The following BTBD16 variants were observed in gnomAD, a reference collection of about 807,000 sequenced individuals.
BTBD16 encodes the protein BTB/POZ domain-containing protein 16.
In BTBD16, 66 loss-of-function variants were observed where a neutral mutation model predicts 67.4. That is an observed-to-expected ratio of 0.98 (90% CI 0.80 to 1.20). BTBD16 has a LOEUF of 1.20. BTBD16 is among the 50% of genes most tolerant of loss of function. BTBD16 has a pLI of 0.00. For synonymous variants in BTBD16, 242 were observed against 236.4 expected (o/e 1.02, Z -0.22); for missense variants, 634 against 616.0 (o/e 1.03, Z -0.31).
intron 3 of BTBD16, among the ~76,000 whole-genome samples, chr10:122,277,965 A>G (rs1250938469): frequency 3.3e-5 from 5 of 152,224 alleles, no homozygotes; most frequent in Non-Finnish European, 5.9e-5. Flanking sequence ...CAGCCAAATC[A>G]AAGTGAGCAT....
intron 10 of BTBD16, among the ~76,000 whole-genome samples, chr10:122,308,664 G>A (rs2096407932): frequency 6.6e-6 from 1 of 152,030 alleles, no homozygotes; most frequent in Admixed American, 6.5e-5. Flanking sequence ...GGTCAGACTG[G>A]GAGAAAAGAT....
intron 3 of BTBD16, 64 bp from the exon 4 acceptor site, chr10:122,283,787 T>C (rs562269944): frequency 6.6e-6 from 8 of 1,216,466 alleles, no homozygotes; most frequent in African/African-American, 3.0e-5. Context: ...GAATAATGCA[T>C]GTTGTAGTTG....
intron 6 of BTBD16, 157 bp from the exon 7 acceptor site, chr10:122,290,923 C>T (rs976493815): frequency 2.9e-5 from 20 of 698,708 alleles, no homozygotes; most frequent in African/African-American, 2.5e-4. Context: ...TAGCACAGAT[C>T]GTCAGCTTCT....
intron 10 of BTBD16, among the ~76,000 whole-genome samples, chr10:122,317,058 G>A (rs138684008): frequency 0.018 from 2,807 of 152,154 alleles, 52 homozygotes; most frequent in African/African-American, 0.056. Context: ...CAAAGTGTTG[G>A]GATTACAGGC....
chr10:122,336,127 G>T (rs769050814), intron 14 of BTBD16, among the ~76,000 whole-genome samples: 1 of 152,126 alleles, frequency 6.6e-6, no homozygotes, highest in African/African-American at 2.4e-5. Flanking sequence ...ACTGACTCAG[G>T]CATCTCCCTA....
rs2096449486 is a variant in BTBD16 at position 122,328,614 on chromosome 10, T to A, written c.912-866T>A. On this transcript the variant is annotated intron_variant, in intron 10 of 15. Coordinates refer to ENST00000260723, the MANE Select transcript of BTBD16 (RefSeq NM_144587.5). ...GTGTGACTTGGACACCACTCTTGAT[T>A]TACGGAAAAATAATCTACAAGTACC... 4 of 302,112 alleles carry A rather than the reference T, an allele frequency of 1.3e-5. No homozygotes were observed. The South Asian group carries it at 5.2e-4, about 39-fold the overall frequency. 18.7% of individuals were successfully genotyped at this position (302,112 alleles called of 1,614,324 possible).
chr10:122,317,476 T>A (rs2096427522), intron 10 of BTBD16, among the ~76,000 whole-genome samples: 2 of 151,824 alleles, frequency 1.3e-5, no homozygotes, highest in South Asian at 4.2e-4. Context: ...TGAAACCCTG[T>A]CTCTACTAAA....
At chr10:122,298,852 G>C (rs527496685) in intron 8 of BTBD16, 152 bp from the exon 9 acceptor site, 2 of 943,944 alleles carry the variant, frequency 2.1e-6, no homozygotes, top group African/African-American at 3.3e-5. Context: ...ACTTAGAAAA[G>C]GTATCTGCTG....
At chr10:122,302,676 A>G (rs1409808265) in intron 9 of BTBD16, among the ~76,000 whole-genome samples, 1 of 152,208 alleles carries the variant, frequency 6.6e-6, no homozygotes, top group Non-Finnish European at 1.5e-5. Flanking sequence ...CTCAAATATA[A>G]TAGTTCCTGA....
intron 9 of BTBD16, among the ~76,000 whole-genome samples, chr10:122,302,315 CTTATAGG>C (rs2096395535): frequency 6.6e-6 from 1 of 152,162 alleles, no homozygotes; most frequent in African/African-American, 2.4e-5. Flanking sequence ...TAATTTTCTT[CTTATAGG>C]TCACTGTTGG....
At chr10:122,291,475 G>A (rs1257630115) in intron 7 of BTBD16, 3 of 292,760 alleles carry the variant, frequency 1.0e-5, no homozygotes, top group African/African-American at 6.5e-5. Flanking sequence ...GACTTCATGT[G>A]TATACACAGT....
chr10:122,331,745 C>T (rs1053893801), intron 12 of BTBD16, among the ~76,000 whole-genome samples: 5 of 152,142 alleles, frequency 3.3e-5, no homozygotes, highest in African/African-American at 1.2e-4. Flanking sequence ...TGTTTTCAAT[C>T]TCGCGTTTTT....
In BTBD16 at chr10:122,289,884, A is replaced by G. The variant is rs1039711430; in HGVS notation, c.386-25A>G. ...TTCACCACGGTTATCACATCCTGCC[A>G]TCATCATCTCATTTCCTTTACTAGC... On this transcript the variant is annotated intron_variant, in intron 5 of 15. Transcript: ENST00000260723. The G allele has an allele frequency of 1.1e-5, 17 of 1,585,352 alleles. No homozygotes were observed. In the Admixed American group the frequency reaches 1.7e-4, roughly 16 times the overall value.
chr10:122,274,082 C>T (rs1303110533), intron 1 of BTBD16, among the ~76,000 whole-genome samples: 1 of 152,200 alleles, frequency 6.6e-6, no homozygotes, highest in Non-Finnish European at 1.5e-5. Context: ...AAAGGGAGGT[C>T]AGCTGAGGTT....
chr10:122,332,188 TGAGACTGCTCA>T, intron 12 of BTBD16: 1 of 468,918 alleles, frequency 2.1e-6, no homozygotes, highest in South Asian at 2.8e-5. Flanking sequence ...ATTTCCCATG[TGAGACTGCTCA>T]GATACTTTTT....
intron 11 of BTBD16, among the ~76,000 whole-genome samples, chr10:122,330,935 G>C (rs1018244636): frequency 1.1e-4 from 16 of 152,126 alleles, no homozygotes; most frequent in Admixed American, 6.5e-4. Flanking sequence ...GGCCAGGCTG[G>C]TATTTCTGTA....
At chr10:122,303,625 A>C in intron 9 of BTBD16, 1 of 726,308 alleles carries the variant, frequency 1.4e-6, no homozygotes, top group East Asian at 1.4e-4. Context: ...ACGAAAGAGG[A>C]CTTTTATTGT....
chr10:122,311,263 A>G (rs919880246), intron 10 of BTBD16, among the ~76,000 whole-genome samples: 11 of 152,200 alleles, frequency 7.2e-5, no homozygotes, highest in Non-Finnish European at 1.5e-5. Context: ...GTTGCTATCC[A>G]AGAACATCAA....
rs1184972045 is a variant in BTBD16, at chr10:122,276,945, G to A, written c.167+6G>A. 21 of 1,612,768 alleles carry A rather than the reference G, an allele frequency of 1.3e-5. No individual in the cohort carries two copies. The highest frequency in any genetic ancestry group is 1.8e-5 in the Non-Finnish European group (21 of 1,179,120). ...GCTTTGAGGAACCCAGACAGGTATG[G>A]AGACTCAAAGGTTTGTGGGAGGGAA... On this transcript the variant is annotated splice_donor_region_variant and intron_variant, in intron 3 of 15. Transcript: ENST00000260723.
Sources: allele counts gnomAD v4.1 joint callset (sites outside exome capture counted in the v4.1 genomes callset), GRCh38; gene constraint gnomAD v4.1.1; transcripts MANE v1.5; gene names NCBI Gene and HGNC (gene_info 2026-07-23, HGNC 2026-07-21).